Variants in PALLD observed in about 807,000 individuals in gnomAD.
PALLD encodes the protein palladin, cytoskeletal associated protein.
In PALLD, 61 loss-of-function variants were observed where a neutral mutation model predicts 123.5. That is an observed-to-expected ratio of 0.49 (90% confidence interval 0.40 to 0.61). PALLD has a LOEUF of 0.61. Among genes scored for constraint, PALLD ranks in the 20% least tolerant of loss-of-function variants. The probability of loss-of-function intolerance (pLI) is 0.00; values close to 1 mark genes in which losing one functional copy is unlikely to be tolerated. For synonymous variants in PALLD, 465 were observed against 496.4 expected (o/e 0.94, Z 0.84); for missense variants, 1,273 against 1,377.0 (o/e 0.92, Z 1.20).
intron 10 of PALLD, among the ~76,000 whole-genome samples, chr4:168,838,518 T>G (rs1745520734): frequency 1.3e-5 from 2 of 152,102 alleles, no homozygotes; most frequent in Non-Finnish European, 2.9e-5. Context: ...AACAGTCACC[T>G]GGCAGAAAGG....
At chr4:168,827,713 T>C (rs1015725172) in intron 10 of PALLD, among the ~76,000 whole-genome samples, 4 of 152,180 alleles carry the variant, frequency 2.6e-5, no homozygotes, top group Non-Finnish European at 4.4e-5. Context: ...TCTGTGACTC[T>C]AAAAAATATA....
In PALLD at chr4:168,668,236, A is replaced by G. The variant is rs1253862609; in HGVS notation, c.955A>G (p.Ile319Val). ...ACTGCACAACACTCCTGATATTCAA[A>G]TCCACTGTGAGGGAGGGGACCTCCA... Reference protein sequence around the residue: ...KELHNTPDIQIHCEGGDLHTL... With the variant: ...KELHNTPDIQVHCEGGDLHTL... The change falls in exon 3 of 22, where the codon ATC becomes GTC. Residue 319 changes from isoleucine (I) to valine (V), a missense_variant. This residue lies in a region of PALLD where 944 missense variants were observed against 954.5 expected (regional missense o/e 0.99). Coordinates refer to ENST00000505667, the MANE Select transcript of PALLD (RefSeq NM_001166108.2). 6.2e-6 allele frequency: 10 copies of G among 1,614,114 alleles called. No homozygotes were observed. Among genetic ancestry groups the G allele is most frequent in the Non-Finnish European group, 7.6e-6 (9 of 1,180,002 alleles).
At chr4:168,619,069 C>A (rs145385254) in intron 2 of PALLD, among the ~76,000 whole-genome samples, 85 of 152,330 alleles carry the variant, frequency 5.6e-4, no homozygotes, top group Non-Finnish European at 9.1e-4. Flanking sequence ...AGTGTCCACA[C>A]TGGGCCAGGT....
intron 10 of PALLD, among the ~76,000 whole-genome samples, chr4:168,753,544 G>A (rs553588882): frequency 6.6e-6 from 1 of 152,184 alleles, no homozygotes; most frequent in South Asian, 2.1e-4. Context: ...CTCCCATATG[G>A]ACTCAGAGTT....
chr4:168,886,807 G>T (rs1041305291), intron 10 of PALLD, among the ~76,000 whole-genome samples: 1 of 152,106 alleles, frequency 6.6e-6, no homozygotes, highest in Non-Finnish European at 1.5e-5. Context: ...ATCTTGATAT[G>T]TTGAAGGAAG....
At chr4:168,672,207 A>C (rs1188456011) in intron 3 of PALLD, among the ~76,000 whole-genome samples, 1 of 152,228 alleles carries the variant, frequency 6.6e-6, no homozygotes, top group Non-Finnish European at 1.5e-5. Context: ...GGTAATTAGC[A>C]TATCCATCAT....
rs565806494 is a variant in PALLD, at chr4:168,797,791, C to T, written c.1964+85868C>T. On this transcript the variant is annotated intron_variant, in intron 10 of 21. Coordinates refer to ENST00000505667, the MANE Select transcript of PALLD (RefSeq NM_001166108.2). Reference sequence around the variant, plus strand: ...CTCAGATTTTTGTTTGTTGTTATACCGATTGCCATATTAGCTCCCTCTTCT... The same window carrying T: ...CTCAGATTTTTGTTTGTTGTTATACTGATTGCCATATTAGCTCCCTCTTCT... 7.9e-5 allele frequency among the ~76,000 whole-genome samples: 12 copies of T among 152,052 alleles called. No individual in the cohort carries two copies. In the East Asian group the frequency reaches 1.9e-3, roughly 25 times the overall value.
intron 2 of PALLD, among the ~76,000 whole-genome samples, chr4:168,591,908 A>G (rs968983693): frequency 6.6e-6 from 1 of 152,192 alleles, no homozygotes; most frequent in African/African-American, 2.4e-5. Context: ...AGCAATAAAA[A>G]TATTATCCTA....
At chr4:168,843,885 T>C (rs1746411608) in intron 10 of PALLD, 2 of 152,144 alleles carry the variant, frequency 1.3e-5, no homozygotes, top group African/African-American at 4.8e-5. Flanking sequence ...CCGTGCCAAA[T>C]TTACCACACC....
At chr4:168,886,494 A>G (rs374788155) in intron 10 of PALLD, among the ~76,000 whole-genome samples, 7 of 152,174 alleles carry the variant, frequency 4.6e-5, no homozygotes, top group African/African-American at 1.7e-4. Context: ...ATGGAAATTT[A>G]GCCAGGCACA....
At chr4:168,674,322 A>G (rs958385973) in intron 3 of PALLD, among the ~76,000 whole-genome samples, 1 of 152,164 alleles carries the variant, frequency 6.6e-6, no homozygotes. Flanking sequence ...AGAATGCTGT[A>G]TTTGGGGAGC....
At chr4:168,850,526 T>TTC (rs1747603901) in intron 10 of PALLD, among the ~76,000 whole-genome samples, 3 of 115,612 alleles carry the variant, frequency 2.6e-5, no homozygotes, top group Non-Finnish European at 3.6e-5. Context: ...GTCATTTCTT[T>TTC]TTTTTTTTTT....
At chr4:168,858,887 C>G (rs1406860608) in intron 10 of PALLD, among the ~76,000 whole-genome samples, 1 of 152,144 alleles carries the variant, frequency 6.6e-6, no homozygotes, top group South Asian at 2.1e-4. Flanking sequence ...CCCGTTCTGC[C>G]CATTGTCTGG....
intron 2 of PALLD, among the ~76,000 whole-genome samples, chr4:168,653,794 G>A (rs138533842): frequency 1.3e-5 from 2 of 152,052 alleles, no homozygotes; most frequent in East Asian, 1.9e-4. Flanking sequence ...TCTGCCTCCC[G>A]GGTTCACGCC....
intron 2 of PALLD, among the ~76,000 whole-genome samples, chr4:168,582,380 T>C (rs6815330): frequency 0.55 from 83,726 of 151,828 alleles, 23,539 homozygotes; most frequent in East Asian, 0.9. Context: ...CGTTAGGGCT[T>C]TCTATATAAA....
intron 3 of PALLD, among the ~76,000 whole-genome samples, chr4:168,679,107 G>T (rs1176027059): frequency 1.2e-4 from 15 of 126,812 alleles, no homozygotes; most frequent in Admixed American, 7.8e-4. Context: ...GTTTATGGTG[G>T]GTGTGTGTGT....
intron 10 of PALLD, among the ~76,000 whole-genome samples, chr4:168,715,958 A>C (rs1785327679): frequency 6.6e-6 from 1 of 152,182 alleles, no homozygotes; most frequent in Non-Finnish European, 1.5e-5. Flanking sequence ...TCAAAAAAAA[A>C]AAAGTCAAAA....
chr4:168,855,089 C>CTTTTTTT lies in PALLD; in HGVS notation c.1965-35819_1965-35813dup, dbSNP rs11338063. Among the ~76,000 whole-genome samples, 49 of 103,962 alleles carry CTTTTTTT rather than the reference C, an allele frequency of 4.7e-4. 2 individuals are homozygous for CTTTTTTT. Among genetic ancestry groups the CTTTTTTT allele is most frequent in the African/African-American group, 1.7e-3 (45 of 27,040 alleles). The allele number at this position is 103,962 out of a possible 152,430, so 68.2% of individuals were successfully genotyped here. A position where few individuals can be genotyped will look rare whatever the true frequency, so the allele number is the denominator to read the frequency against. ...TGGGATAATGCTGAGAAGGAATGTT[C>CTTTTTTT]TTTTTTTTTTTTTTTTTTTTGAGAC... On this transcript the variant is annotated intron_variant, in intron 10 of 21. Coordinates refer to ENST00000505667, the MANE Select transcript of PALLD (RefSeq NM_001166108.2).
At chr4:168,595,429 T>G (rs562956711) in intron 2 of PALLD, among the ~76,000 whole-genome samples, 1 of 152,148 alleles carries the variant, frequency 6.6e-6, no homozygotes, top group Non-Finnish European at 1.5e-5. Context: ...TCTTCTTTCT[T>G]GTACTAGTTC....
Sources: allele counts gnomAD v4.1 joint callset (sites outside exome capture counted in the v4.1 genomes callset), GRCh38; gene constraint gnomAD v4.1.1; regional missense constraint gnomAD v4.1.1; transcripts MANE v1.5; gene names NCBI Gene and HGNC (gene_info 2026-07-23, HGNC 2026-07-21).